PTPRF: variants seen among roughly 807,000 people sequenced by gnomAD.
The protein encoded by PTPRF is receptor-type tyrosine-protein phosphatase F.
Under a neutral mutation model 201.8 loss-of-function variants are expected in PTPRF, and 59 were observed. The observed-to-expected ratio is 0.29, with a 90% CI of 0.24 to 0.36. The LOEUF (loss-of-function observed/expected upper bound fraction) is 0.36. PTPRF is among the 10% of genes least tolerant of loss of function. The pLI is 1.00. For missense variants in PTPRF, 2,132 were observed against 2,690.5 expected, an observed-to-expected ratio of 0.79 and a Z score of 4.59; for synonymous variants, 1,088 against 1,089.7, an observed-to-expected ratio of 1.00 and a Z score of 0.03.
At chr1:43,613,142 A>C in intron 22 of PTPRF, 1 of 230,862 alleles carries the variant, frequency 4.3e-6, no homozygotes, top group Admixed American at 5.4e-5. Context: ...TTCTCTCTCT[A>C]TTGTGTCTGT....
intron 17 of PTPRF, 50 bp downstream of exon 17, chr1:43,605,050 G>C (rs763809048): frequency 6.3e-7 from 1 of 1,598,658 alleles, no homozygotes; most frequent in Non-Finnish European, 8.6e-7. Context: ...CAGGCCTGCT[G>C]GGTGCTGTCT....
At chr1:43,570,491 C>G (rs140442857) in intron 6 of PTPRF, among the ~76,000 whole-genome samples, 1 of 152,384 alleles carries the variant, frequency 6.6e-6, no homozygotes, top group African/African-American at 2.4e-5. Context: ...GTCTTTGCTT[C>G]AGAAGCCCTC....
At chr1:43,589,053 T>TG in intron 8 of PTPRF, 53 bp downstream of exon 8, 1 of 1,472,510 alleles carries the variant, frequency 6.8e-7, no homozygotes, top group South Asian at 1.4e-5. Context: ...TGGGAGGTCC[T>TG]GGTGGTGGGC....
At chr1:43,560,842 C>T (rs1200650286) in intron 5 of PTPRF, among the ~76,000 whole-genome samples, 9 of 152,202 alleles carry the variant, frequency 5.9e-5, no homozygotes, top group Admixed American at 1.3e-4. Context: ...CCCTCCCCTA[C>T]CCCACCAAGC....
intron 5 of PTPRF, among the ~76,000 whole-genome samples, chr1:43,564,469 G>A (rs1168164246): frequency 1.3e-5 from 2 of 152,158 alleles, no homozygotes; most frequent in East Asian, 1.9e-4. Flanking sequence ...GTGTGTTTGC[G>A]TGTCTCTGTG....
intron 23 of PTPRF, among the ~76,000 whole-genome samples, chr1:43,614,064 G>A (rs1462695006): frequency 2.0e-5 from 3 of 152,256 alleles, no homozygotes; most frequent in African/African-American, 7.2e-5. Flanking sequence ...AGCCACAGTA[G>A]CTGGCATCTA....
chr1:43,569,545 G>A (rs1171411595), intron 5 of PTPRF, 45 bp from the exon 6 acceptor site: 2 of 1,538,866 alleles, frequency 1.3e-6, no homozygotes, highest in South Asian at 1.3e-5. Flanking sequence ...GTCATAGGGG[G>A]CAGGCAGAGC....
In PTPRF at chr1:43,612,194, C is replaced by A. The variant is rs369527841; in HGVS notation, c.3974-1424C>A. On this transcript the variant is annotated intron_variant, in intron 22 of 33. Coordinates refer to ENST00000359947, the MANE Select transcript of PTPRF (RefSeq NM_002840.5). ...GCAGTGGGGACACCCAGTGGGAGGA[C>A]CGTTGGCTTTGGCAGATGGGGCCTT... Among the ~76,000 whole-genome samples, 35 of 152,130 alleles carry A rather than the reference C, an allele frequency of 2.3e-4. 2 individuals carry two copies. The South Asian group carries it at 7.3e-3, about 32-fold the overall frequency.
intron 5 of PTPRF, among the ~76,000 whole-genome samples, chr1:43,565,203 C>G (rs1646075063): frequency 6.6e-6 from 1 of 152,168 alleles, no homozygotes; most frequent in African/African-American, 2.4e-5. Flanking sequence ...TCAAACCGAT[C>G]AGCTCCAACA....
intron 6 of PTPRF, among the ~76,000 whole-genome samples, chr1:43,577,667 G>A (rs557212678): frequency 1.3e-5 from 2 of 152,208 alleles, no homozygotes; most frequent in African/African-American, 4.8e-5. Flanking sequence ...GGCAGCTTCT[G>A]TCCATGTCCT....
At chr1:43,607,706 C>A (rs114553285) in intron 21 of PTPRF, among the ~76,000 whole-genome samples, 1 of 152,260 alleles carries the variant, frequency 6.6e-6, no homozygotes. Flanking sequence ...CCTGACATTG[C>A]GACACTGAAC....
chr1:43,591,112 C>G lies in PTPRF; in HGVS notation c.1090C>G (p.Gln364Glu). ...YRAAGTEGPFQEVDGVATTRY... is the reference protein window; with the variant it reads ...YRAAGTEGPFEEVDGVATTRY... ...CGCAGCGGGCACGGAGGGCCCCTTTCAGGAGGTGGATGGTGTGGCCACCAC... is the reference window on the plus strand; with the variant it reads ...CGCAGCGGGCACGGAGGGCCCCTTTGAGGAGGTGGATGGTGTGGCCACCAC... The change falls in exon 9 of 34, where the codon CAG becomes GAG. Residue 364 changes from glutamine (Q) to glutamate (E), a missense_variant. Physicochemically the swap from Gln to Glu is conservative, Grantham distance 29. This residue lies in a region of PTPRF where 351 missense variants were observed against 401.7 expected (regional missense o/e 0.87). Coordinates refer to ENST00000359947, the MANE Select transcript of PTPRF (RefSeq NM_002840.5). 1.9e-6 allele frequency: 3 copies of G among 1,613,840 alleles called. No homozygotes were observed. The highest frequency in any genetic ancestry group is 2.5e-6 in the Non-Finnish European group (3 of 1,180,044).
At chr1:43,590,805 G>T (rs1455711498) in intron 8 of PTPRF, among the ~76,000 whole-genome samples, 167 bp from the exon 9 acceptor site, 1 of 152,230 alleles carries the variant, frequency 6.6e-6, no homozygotes, top group Non-Finnish European at 1.5e-5. Flanking sequence ...CCTCACTTGT[G>T]CCTTCAGAGG....
chr1:43,538,120 T>G (rs1260924213), intron 1 of PTPRF, 78 bp from the exon 2 acceptor site: 3 of 398,266 alleles, frequency 7.5e-6, no homozygotes. Flanking sequence ...CAGCAAATTT[T>G]TAATGTCTTT....
chr1:43,590,950 G>GAA (rs750289033), intron 8 of PTPRF, 22 bp from the exon 9 acceptor site: 2 of 1,590,240 alleles, frequency 1.3e-6, no homozygotes, highest in Admixed American at 3.4e-5. Flanking sequence ...GGGCAGCTTT[G>GAA]AGCCTTCCAC....
chr1:43,613,198 T>C, intron 22 of PTPRF: 1 of 312,306 alleles, frequency 3.2e-6, no homozygotes. Context: ...GGGATGACGA[T>C]GGCTGTGAGT....
Position 43,604,949 on chromosome 1 carries a change from G to T in PTPRF, c.3084G>T (p.Val1028=). The T allele has an allele frequency of 6.2e-7, 1 of 1,614,168 alleles. No homozygotes were observed. Residue 1028 remains valine (V), a synonymous_variant, in exon 17 of 34, where the codon GTG becomes GTT. Coordinates refer to ENST00000359947, the MANE Select transcript of PTPRF (RefSeq NM_002840.5). ...TGGCGGCTGCAATGAAGACGTCTGT[G>T]CTGCTCAGCTGGGAGGTTCCCGACT... ...FRVAAAMKTS[V]LLSWEVPDSY... is the part of the protein sequence containing the mutation.
rs538682496 is a variant in PTPRF, at chr1:43,555,437, T to C, written c.379+1496T>C. On this transcript the variant is annotated intron_variant, in intron 5 of 33. Transcript: ENST00000359947. ...TGCCACTAAATATTCTTCTGTATCA[T>C]TATTCTTTTTTTTTTTTTTTTTTTT... Among the ~76,000 whole-genome samples, 7 of 150,334 alleles carry C rather than the reference T, an allele frequency of 4.7e-5. No individual in the cohort carries two copies. The East Asian group carries it at 1.2e-3, about 25-fold the overall frequency.
intron 6 of PTPRF, among the ~76,000 whole-genome samples, chr1:43,571,108 G>A (rs544047354): frequency 2.6e-5 from 4 of 152,228 alleles, no homozygotes; most frequent in South Asian, 4.2e-4. Flanking sequence ...TGGGGTGCCC[G>A]GCCCTGGGCC....
Sources: allele counts gnomAD v4.1 joint callset (sites outside exome capture counted in the v4.1 genomes callset), GRCh38; gene constraint gnomAD v4.1.1; regional missense constraint gnomAD v4.1.1; transcripts MANE v1.5; gene names NCBI Gene and HGNC (gene_info 2026-07-23, HGNC 2026-07-21).